Variants in COL15A1 observed in about 807,000 individuals in gnomAD.
The protein encoded by COL15A1 is collagen type XV alpha 1 chain, also known as collagen alpha-1(XV) chain.
A neutral mutation model predicts 165.9 loss-of-function variants in COL15A1; 111 were observed. The observed-to-expected ratio is 0.67, with a 90% CI of 0.57 to 0.78. COL15A1 has a LOEUF of 0.78. COL15A1 is among the 30% of genes least tolerant of loss of function. COL15A1 has a pLI of 0.00. For synonymous variants in COL15A1, 659 were observed against 674.8 expected (o/e 0.98, Z 0.36); for missense variants, 1,745 against 1,789.7 (o/e 0.98, Z 0.45).
chr9:98,984,468 C>G (rs966142624), intron 2 of COL15A1, among the ~76,000 whole-genome samples: 1 of 152,208 alleles, frequency 6.6e-6, no homozygotes, highest in African/African-American at 2.4e-5. Context: ...AACCTGCATG[C>G]AACTTACCTT....
At chr9:99,015,611 G>A (rs995368758) in intron 10 of COL15A1, 45 bp downstream of exon 10, 36 of 1,583,098 alleles carry the variant, frequency 2.3e-5, no homozygotes, top group Non-Finnish European at 3.1e-5. Flanking sequence ...GGGAGAGACA[G>A]GTCTGCATCA....
intron 15 of COL15A1, 139 bp downstream of exon 15, chr9:99,025,138 TC>T: frequency 1.6e-6 from 1 of 619,076 alleles, no homozygotes; most frequent in Non-Finnish European, 2.7e-6. Flanking sequence ...TAAACAGAAA[TC>T]CTCCTCATCT....
intron 2 of COL15A1, among the ~76,000 whole-genome samples, chr9:98,961,537 G>A (rs1837865087): frequency 6.6e-6 from 1 of 152,206 alleles, no homozygotes; most frequent in Non-Finnish European, 1.5e-5. Flanking sequence ...AATGAGGAGA[G>A]GATGGAAGAG....
At chr9:99,010,906 T>A (rs1216523650) in intron 9 of COL15A1, among the ~76,000 whole-genome samples, 1 of 152,244 alleles carries the variant, frequency 6.6e-6, no homozygotes, top group Non-Finnish European at 1.5e-5. Flanking sequence ...AGAAAAGACC[T>A]TCTGCAGTGC....
intron 5 of COL15A1, among the ~76,000 whole-genome samples, chr9:98,990,323 G>A (rs997494825): frequency 6.6e-6 from 1 of 152,210 alleles, no homozygotes; most frequent in Non-Finnish European, 1.5e-5. Context: ...CCATCCATGG[G>A]GTCATGGCCT....
chr9:99,064,089 G>C (rs940461513), intron 39 of COL15A1, among the ~76,000 whole-genome samples: 1 of 151,878 alleles, frequency 6.6e-6, no homozygotes, highest in South Asian at 2.1e-4. Flanking sequence ...CTTCTGAAAG[G>C]GTCTTTCTTC....
Position 98,983,506 on chromosome 9 carries a change from G to A in COL15A1, c.101-2059G>A, listed in dbSNP as rs190938494. Among the ~76,000 whole-genome samples, 315 of 152,280 alleles carry A rather than the reference G, an allele frequency of 2.1e-3. 3 individuals are homozygous for A. The highest frequency in any genetic ancestry group is 7.2e-3 in the African/African-American group (298 of 41,556). The stretch of plus-strand genomic sequence containing the variant: ...CGGGCCAGTCATCTCATCTTCCCAA[G>A]GGATAAGAGCAGTTAATTGCCAGGG... On this transcript the variant is annotated intron_variant, in intron 2 of 41. Coordinates refer to ENST00000375001, the MANE Select transcript of COL15A1 (RefSeq NM_001855.5).
chr9:98,956,255 G>T (rs1211687971), intron 2 of COL15A1, among the ~76,000 whole-genome samples: 2 of 152,166 alleles, frequency 1.3e-5, no homozygotes, highest in African/African-American at 4.8e-5. Context: ...GCAGTGAGCC[G>T]AGATCATGCC....
chr9:98,961,604 G>A (rs1170363264), intron 2 of COL15A1, among the ~76,000 whole-genome samples: 1 of 152,186 alleles, frequency 6.6e-6, no homozygotes, highest in Non-Finnish European at 1.5e-5. Flanking sequence ...AAGTTTCTGG[G>A]ATGAAAGCAG....
chr9:99,069,584 G>T, intron 41 of COL15A1, 89 bp from the exon 42 acceptor site: 1 of 1,505,392 alleles, frequency 6.6e-7, no homozygotes, highest in South Asian at 1.3e-5. Flanking sequence ...AGTTTAACTT[G>T]ATTCATTAGA....
At chr9:99,010,765 T>A (rs55803862) in intron 9 of COL15A1, among the ~76,000 whole-genome samples, 1 of 152,190 alleles carries the variant, frequency 6.6e-6, no homozygotes, top group African/African-American at 2.4e-5. Flanking sequence ...CGTAATAACC[T>A]TAATTAAAAA....
chr9:98,997,632 G>T (rs1838571275), intron 6 of COL15A1, among the ~76,000 whole-genome samples: 1 of 152,222 alleles, frequency 6.6e-6, no homozygotes, highest in Admixed American at 6.5e-5. Flanking sequence ...GTGAGAAACT[G>T]ATGGCCAGAG....
intron 16 of COL15A1, among the ~76,000 whole-genome samples, chr9:99,032,944 C>A (rs987582035): frequency 6.6e-6 from 1 of 152,182 alleles, no homozygotes; most frequent in Non-Finnish European, 1.5e-5. Context: ...TGTTATCCTA[C>A]CTTTTCTCTG....
In COL15A1 at chr9:99,049,675, T is replaced by C; in HGVS notation, c.2794-15T>C. The C allele has an allele frequency of 6.2e-7, 1 of 1,612,470 alleles. No individual in the cohort carries two copies. Among genetic ancestry groups the C allele is most frequent in the Non-Finnish European group, 8.5e-7 (1 of 1,179,880 alleles). ...CAACCTGAACTAATGGAATGGCCTT[T>C]TTTTCTTCCTTCAGGGCCCACCTGG... is the stretch of plus-strand genomic sequence containing the variant. On this transcript the variant is annotated splice_polypyrimidine_tract_variant and intron_variant, in intron 28 of 41. Coordinates refer to ENST00000375001, the MANE Select transcript of COL15A1 (RefSeq NM_001855.5).
rs557151794 is a variant in COL15A1, at chr9:99,062,026, A to G, written c.3458A>G (p.Glu1153Gly). Reference protein sequence around the residue: ...DMLQKAHLVIEGTFIYLRDST... With the variant: ...DMLQKAHLVIGGTFIYLRDST... ...CTGCAGAAAGCGCATTTGGTTATAG[A>G]AGGAACATTCATCTACCTGAGGGAC... is the stretch of plus-strand genomic sequence containing the variant. The change falls in exon 37 of 42, where the codon GAA (glutamate) becomes GGA (glycine). Residue 1153 changes from glutamate (E) to glycine (G), a missense_variant. Physicochemically the swap from Glu to Gly is moderately conservative, Grantham distance 98. Coordinates refer to ENST00000375001, the MANE Select transcript of COL15A1 (RefSeq NM_001855.5). 1 of 1,614,068 alleles carries G rather than the reference A, an allele frequency of 6.2e-7. No individual in the cohort carries two copies. Among genetic ancestry groups the G allele is most frequent in the African/African-American group, 1.3e-5 (1 of 75,040 alleles).
Position 98,986,062 on chromosome 9 carries a change from G to A in COL15A1, c.598G>A (p.Ala200Thr), listed in dbSNP as rs61999303. The A allele has an allele frequency of 1.7e-3, 2,772 of 1,613,926 alleles. 39 individuals carry two copies. In the African/African-American group the frequency reaches 0.031, roughly 18 times the overall value. The change falls in exon 3 of 42, where the codon GCT becomes ACT. Residue 200 changes from alanine (A) to threonine (T), a missense_variant. By Grantham distance (58) the Ala-to-Thr change is moderately conservative (BLOSUM62 0). Coordinates refer to ENST00000375001, the MANE Select transcript of COL15A1 (RefSeq NM_001855.5). ...SSQALAFESS[A>T]GIFMGNAGAT... Reference sequence around the variant, plus strand: ...CCAGGCTTTGGCTTTTGAGTCCAGCGCTGGAATCTTCATGGGCAATGCAGG... The same window carrying A: ...CCAGGCTTTGGCTTTTGAGTCCAGCACTGGAATCTTCATGGGCAATGCAGG...
At chr9:99,022,314 A>C (rs1422338046) in intron 13 of COL15A1, among the ~76,000 whole-genome samples, 164 bp downstream of exon 13, 2 of 152,218 alleles carry the variant, frequency 1.3e-5, no homozygotes, top group African/African-American at 4.8e-5. Context: ...CAGCAGCAGA[A>C]CTGATTTCTA....
chr9:99,031,250 C>T (rs1369329020), intron 16 of COL15A1, among the ~76,000 whole-genome samples: 1 of 152,204 alleles, frequency 6.6e-6, no homozygotes, highest in Non-Finnish European at 1.5e-5. Context: ...GCCCAGACCA[C>T]CCTCAGCCCC....
intron 7 of COL15A1, among the ~76,000 whole-genome samples, chr9:99,002,372 C>G (rs1179836987): frequency 2.0e-5 from 3 of 152,036 alleles, no homozygotes; most frequent in African/African-American, 4.8e-5. Flanking sequence ...AATACATACC[C>G]AGCTCACCAA....
Sources: gnomAD v4.1 joint callset for allele counts (sites outside exome capture counted in the v4.1 genomes callset) on GRCh38, gnomAD v4.1.1 for gene constraint, MANE v1.5 for transcripts, NCBI Gene and HGNC (gene_info 2026-07-23, HGNC 2026-07-21) for gene names.